The following ZSCAN5A variants were observed in gnomAD, a reference collection of about 807,000 sequenced individuals.
The protein encoded by ZSCAN5A is zinc finger and SCAN domain containing 5A.
A neutral mutation model predicts 23.7 loss-of-function variants in ZSCAN5A; 12 were observed. The observed-to-expected ratio is 0.51, with a 90% CI of 0.32 to 0.82. The LOEUF is 0.82. Among genes scored for constraint, ZSCAN5A ranks in the 40% least tolerant of loss-of-function variants. The pLI is 0.03. For missense variants in ZSCAN5A, 597 were observed against 617.9 expected (o/e 0.97, Z 0.36); for synonymous variants, 257 against 239.9 (o/e 1.07, Z -0.66).
At chr19:56,246,670 T>C in intron 2 of ZSCAN5A, 1 of 841,356 alleles carries the variant, frequency 1.2e-6, no homozygotes, top group Non-Finnish European at 1.9e-6. Context: ...TTGGTTGCAA[T>C]GAGTTTGGTG....
chr19:56,367,361 C>CTTTTTT (rs1281720980), intron 1 of ZSCAN5A: 1 of 152,088 alleles, frequency 6.6e-6, no homozygotes, highest in African/African-American at 2.4e-5. Context: ...GATGCTGTTT[C>CTTTTTT]TTAACAAAAC....
intron 2 of ZSCAN5A, chr19:56,247,173 G>A (rs1299759403): frequency 5.0e-6 from 3 of 605,294 alleles, no homozygotes; most frequent in African/African-American, 1.8e-5. Context: ...GGTGCTTCAC[G>A]CAGCTCTCAG....
intron 3 of ZSCAN5A, among the ~76,000 whole-genome samples, chr19:56,224,140 G>C (rs561678109): frequency 6.6e-6 from 1 of 151,832 alleles, no homozygotes. Flanking sequence ...TCAATTGGCC[G>C]ATGGCAGCTC....
chr19:56,280,281 T>G (rs1341612089), intron 2 of ZSCAN5A, among the ~76,000 whole-genome samples: 1 of 152,230 alleles, frequency 6.6e-6, no homozygotes, highest in African/African-American at 2.4e-5. Context: ...CCTCAACCTC[T>G]TATTTATACG....
At chr19:56,245,640 G>A (rs1000132283) in intron 2 of ZSCAN5A, among the ~76,000 whole-genome samples, 2 of 148,688 alleles carry the variant, frequency 1.3e-5, no homozygotes, top group African/African-American at 5.0e-5. Context: ...CATGTAGGGT[G>A]GGGGGTCAGA....
At chr19:56,230,101 C>T (rs2034322985) in intron 2 of ZSCAN5A, among the ~76,000 whole-genome samples, 1 of 152,036 alleles carries the variant, frequency 6.6e-6, no homozygotes, top group South Asian at 2.1e-4. Context: ...TTTCCCAACA[C>T]ATTATTATTA....
chr19:56,278,195 C>T (rs976312061), intron 2 of ZSCAN5A, among the ~76,000 whole-genome samples: 3 of 151,794 alleles, frequency 2.0e-5, no homozygotes, highest in African/African-American at 7.3e-5. Context: ...GGTCTCGGCT[C>T]GCCATGACAT....
intron 2 of ZSCAN5A, chr19:56,319,988 A>T: frequency 9.7e-7 from 1 of 1,029,660 alleles, no homozygotes; most frequent in Non-Finnish European, 1.5e-6. Context: ...ATCCATTTGG[A>T]CATTGATACT....
At chr19:56,309,439 A>C (rs905972393) in intron 2 of ZSCAN5A, among the ~76,000 whole-genome samples, 5 of 152,200 alleles carry the variant, frequency 3.3e-5, no homozygotes, top group Admixed American at 1.3e-4. Flanking sequence ...AAATGGTTAA[A>C]ATGGTGAATT....
chr19:56,282,618 A>T, intron 2 of ZSCAN5A: 1 of 513,498 alleles, frequency 1.9e-6, no homozygotes, highest in Non-Finnish European at 2.5e-6. Context: ...CTTAGCTTCT[A>T]ATAGCGGAAC....
At chr19:56,322,458 G>C (rs1299675060) in intron 2 of ZSCAN5A, 1 of 552,118 alleles carries the variant, frequency 1.8e-6, no homozygotes. Context: ...CAGAGCCCTC[G>C]CCTGGCTTTA....
chr19:56,245,836 T>C (rs1480499081), intron 2 of ZSCAN5A, among the ~76,000 whole-genome samples: 1 of 152,114 alleles, frequency 6.6e-6, no homozygotes, highest in Admixed American at 6.5e-5. Flanking sequence ...TCAGGACACA[T>C]GGCCATGTCT....
intron 2 of ZSCAN5A, chr19:56,322,458 G>A (rs1299675060): frequency 7.2e-6 from 4 of 552,118 alleles, no homozygotes; most frequent in Admixed American, 3.2e-5. Flanking sequence ...CAGAGCCCTC[G>A]CCTGGCTTTA....
At chr19:56,265,362 A>G (rs2146900012) in intron 2 of ZSCAN5A, among the ~76,000 whole-genome samples, 1 of 148,812 alleles carries the variant, frequency 6.7e-6, no homozygotes, top group South Asian at 2.2e-4. Context: ...AGCATCTAGT[A>G]TGCACCTATA....
chr19:56,289,295 G>A (rs1307491795), intron 2 of ZSCAN5A, among the ~76,000 whole-genome samples: 2 of 152,120 alleles, frequency 1.3e-5, no homozygotes, highest in Admixed American at 1.3e-4. Context: ...TTTATTTGGT[G>A]TAGAAATTGC....
rs192996999 is a variant in ZSCAN5A, at chr19:56,252,424, C to G, written c.-127-27251G>C. ...ACCCACACTCCAAGAGGGTATGAAG[C>G]TTATTACATAACAGGATTTCTGAAG... On this transcript the variant is annotated intron_variant, in intron 2 of 5. Coordinates refer to ENST00000683990, the MANE Select transcript of ZSCAN5A (RefSeq NM_001322064.3). Among the ~76,000 whole-genome samples the G allele has an allele frequency of 2.0e-5, 3 of 152,282 alleles. No individual in the cohort carries two copies. The East Asian group carries it at 5.8e-4, about 29-fold the overall frequency.
At chr19:56,333,039 T>C (rs1433139141) in intron 2 of ZSCAN5A, among the ~76,000 whole-genome samples, 1 of 152,184 alleles carries the variant, frequency 6.6e-6, no homozygotes, top group Non-Finnish European at 1.5e-5. Context: ...GTTGGTCTGA[T>C]GGAGTTCCCT....
intron 2 of ZSCAN5A, chr19:56,284,852 G>T: frequency 5.0e-6 from 1 of 201,312 alleles, no homozygotes; most frequent in Non-Finnish European, 8.8e-6. Context: ...GATTAAGTGG[G>T]AATAATGAGG....
intron 2 of ZSCAN5A, chr19:56,243,945 G>T: frequency 1.7e-6 from 1 of 578,222 alleles, no homozygotes; most frequent in Non-Finnish European, 3.1e-6. Context: ...ATCTATTATT[G>T]AGGAAAACCA....
Sources: gnomAD v4.1 joint callset for allele counts (sites outside exome capture counted in the v4.1 genomes callset) on GRCh38, gnomAD v4.1.1 for gene constraint, MANE v1.5 for transcripts, NCBI Gene and HGNC (gene_info 2026-07-23, HGNC 2026-07-21) for gene names.